Variants in SCLT1 observed in about 807,000 individuals in gnomAD.
SCLT1 encodes the protein sodium channel-associated protein 1.
Under a neutral mutation model 112.8 loss-of-function variants are expected in SCLT1, and 78 were observed. The observed-to-expected ratio is 0.69, with a 90% CI of 0.58 to 0.83. SCLT1 has a LOEUF of 0.83. Among genes scored for constraint, SCLT1 ranks in the 40% least tolerant of loss-of-function variants. SCLT1 has a pLI of 0.00. For missense variants in SCLT1, 747 were observed against 770.4 expected (o/e 0.97, Z 0.36); for synonymous variants, 257 against 254.7 (o/e 1.01, Z -0.09).
chr4:129,024,121 A>C (rs13126765), intron 5 of SCLT1, among the ~76,000 whole-genome samples: 13,530 of 152,232 alleles, frequency 0.089, 761 homozygotes, highest in South Asian at 0.15. Context: ...GGGCACAGAC[A>C]AACAAAAAGA....
chr4:128,973,031 C>A (rs575061920), intron 9 of SCLT1, among the ~76,000 whole-genome samples: 1 of 152,112 alleles, frequency 6.6e-6, no homozygotes, highest in Non-Finnish European at 1.5e-5. Context: ...AGTACTCACT[C>A]GCTGTTTTCT....
intron 18 of SCLT1, among the ~76,000 whole-genome samples, chr4:128,899,755 T>A (rs1438199407): frequency 2.0e-5 from 3 of 152,196 alleles, no homozygotes; most frequent in Non-Finnish European, 4.4e-5. Flanking sequence ...GAAGATGACA[T>A]GATTGTATAT....
In SCLT1 at chr4:128,972,907, C is replaced by T. The variant is rs572209345; in HGVS notation, c.687-2439G>A. 1.6e-3 allele frequency among the ~76,000 whole-genome samples: 243 copies of T among 152,290 alleles called. 1 individual carries two copies. The highest frequency in any genetic ancestry group is 6.8e-3 in the Middle Eastern group (2 of 294). On this transcript the variant is annotated intron_variant, in intron 9 of 20. Transcript: ENST00000281142. Reference sequence around the variant, plus strand: ...TTTTTGGCATAAAGTCTACACTCCTCTACATATAAGTCTACACTCCTCTAC... The same window carrying T: ...TTTTTGGCATAAAGTCTACACTCCTTTACATATAAGTCTACACTCCTCTAC...
At chr4:128,933,328 A>G (rs1312178152) in intron 18 of SCLT1, among the ~76,000 whole-genome samples, 1 of 151,822 alleles carries the variant, frequency 6.6e-6, no homozygotes. Flanking sequence ...GTGACCAAAG[A>G]CTTTTTTTTC....
intron 8 of SCLT1, among the ~76,000 whole-genome samples, chr4:128,994,145 C>G (rs772911756): frequency 1.3e-5 from 2 of 151,948 alleles, no homozygotes; most frequent in Non-Finnish European, 2.9e-5. Context: ...CTTGTTTGAC[C>G]GAAACTTCAT....
intron 1 of SCLT1, among the ~76,000 whole-genome samples, chr4:129,082,610 A>G (rs543720325): frequency 6.6e-6 from 1 of 152,322 alleles, no homozygotes; most frequent in Non-Finnish European, 1.5e-5. Context: ...GCAAAGAACT[A>G]CCATTTCTGA....
At chr4:128,953,937 T>A (rs1272681560) in intron 13 of SCLT1, among the ~76,000 whole-genome samples, 6 of 152,188 alleles carry the variant, frequency 3.9e-5, no homozygotes. Context: ...TAACATTTAA[T>A]AACATTTAAT....
At chr4:128,990,344 T>C (rs1000520833) in intron 9 of SCLT1, among the ~76,000 whole-genome samples, 22 of 151,838 alleles carry the variant, frequency 1.4e-4, no homozygotes, top group Admixed American at 3.9e-4. Context: ...AAAAACCATA[T>C]GATAATTTCA....
At chr4:128,893,224 TTAA>T (rs1733465664) in intron 18 of SCLT1, among the ~76,000 whole-genome samples, 2 of 152,208 alleles carry the variant, frequency 1.3e-5, no homozygotes, top group Non-Finnish European at 2.9e-5. Flanking sequence ...CAAGACAATC[TTAA>T]TGATGGATAG....
chr4:129,009,983 G>A (rs949731270), intron 5 of SCLT1, among the ~76,000 whole-genome samples: 9 of 152,054 alleles, frequency 5.9e-5, no homozygotes, highest in Non-Finnish European at 1.3e-4. Context: ...TGCTTTTATT[G>A]CAATTGCTTT....
At chr4:128,911,915 T>C (rs1344808241) in intron 18 of SCLT1, among the ~76,000 whole-genome samples, 4 of 152,220 alleles carry the variant, frequency 2.6e-5, no homozygotes, top group Admixed American at 2.6e-4. Context: ...ATTCAATGCA[T>C]ACAACTAATT....
intron 1 of SCLT1, among the ~76,000 whole-genome samples, chr4:129,083,968 T>TA (rs1351623880): frequency 2.0e-5 from 3 of 152,152 alleles, no homozygotes; most frequent in Non-Finnish European, 4.4e-5. Context: ...AAAGTTATTT[T>TA]AAAAAAGCAC....
chr4:128,885,497 T>C (rs1279266123), intron 20 of SCLT1, among the ~76,000 whole-genome samples: 1 of 152,224 alleles, frequency 6.6e-6, no homozygotes, highest in Non-Finnish European at 1.5e-5. Context: ...AATAGCTCTA[T>C]ATTAGGCCTA....
chr4:129,086,663 AAAGCAGGGGTATAATCATATTAAG>A (rs1752420692), intron 1 of SCLT1, among the ~76,000 whole-genome samples: 1 of 152,130 alleles, frequency 6.6e-6, no homozygotes, highest in South Asian at 2.1e-4. Context: ...CAGCTATAGA[AAAGCAGGGGTATAATCATATTAAG>A]ATTACTGACA....
rs2126078998 is a variant in SCLT1 at position 128,997,899 on chromosome 4, T to C, written c.590A>G (p.His197Arg). The C allele has an allele frequency of 2.6e-6, 4 of 1,512,964 alleles. No individual in the cohort carries two copies. Among genetic ancestry groups the C allele is most frequent in the South Asian group, 2.7e-5 (2 of 73,214 alleles). 93.7% of individuals were successfully genotyped at this position (1,512,964 alleles called of 1,614,324 possible). ...CACTTCCATGTTCTCATTAGTAACA[T>C]GAAGTTGTTTGGTCAGTTGTTGAAA... Reference protein sequence around the residue: ...FDFQQLTKQLHVTNENMEVTN... With the variant: ...FDFQQLTKQLRVTNENMEVTN... The change falls in exon 8 of 21, where the codon CAT (histidine) becomes CGT (arginine). Residue 197 changes from histidine to arginine, a missense_variant. Physicochemically the swap from His to Arg is conservative, Grantham distance 29. Around this residue, in one of 2 missense-constraint regions of SCLT1, gnomAD observed 723 missense variants for 721.3 expected, o/e 1.00. Transcript: ENST00000281142.
intron 2 of SCLT1, among the ~76,000 whole-genome samples, chr4:129,061,206 C>A (rs553869358): frequency 6.6e-6 from 1 of 152,264 alleles, no homozygotes; most frequent in South Asian, 2.1e-4. Flanking sequence ...CTGTATCTTA[C>A]TTTCTGTGAG....
chr4:129,089,896 G>C (rs1752690143), intron 1 of SCLT1, among the ~76,000 whole-genome samples: 1 of 152,076 alleles, frequency 6.6e-6, no homozygotes, highest in South Asian at 2.1e-4. Context: ...ATAGCATTAG[G>C]AGAAATACCT....
intron 17 of SCLT1, among the ~76,000 whole-genome samples, chr4:128,938,076 C>G (rs1314706520): frequency 6.6e-6 from 1 of 152,138 alleles, no homozygotes; most frequent in Admixed American, 6.5e-5. Context: ...CTATATTTTG[C>G]TATACTAAAG....
At chr4:129,036,862 T>C (rs546707577) in intron 5 of SCLT1, 3 of 151,754 alleles carry the variant, frequency 2.0e-5, no homozygotes, top group Admixed American at 6.6e-5. Context: ...AAAATACAAA[T>C]AAAAGAATGT....
Sources: allele counts gnomAD v4.1 joint callset (sites outside exome capture counted in the v4.1 genomes callset), GRCh38; gene constraint gnomAD v4.1.1; regional missense constraint gnomAD v4.1.1; transcripts MANE v1.5; gene names NCBI Gene and HGNC (gene_info 2026-07-23, HGNC 2026-07-21).